The following RAD54L variants were observed in gnomAD, a reference collection of about 807,000 sequenced individuals.
The protein encoded by RAD54L is DNA repair and recombination protein RAD54-like.
RAD54L carries 74 observed loss-of-function variants against 91.6 expected under a neutral mutation model. The observed-to-expected ratio is 0.81, with a 90% confidence interval of 0.67 to 0.98. The LOEUF is 0.98. RAD54L is among the 50% of genes least tolerant of loss of function. RAD54L has a pLI of 0.00. For missense variants in RAD54L, 887 were observed against 945.7 expected (o/e 0.94, Z 0.81); for synonymous variants, 304 against 349.7 (o/e 0.87, Z 1.46).
Position 46,248,255 on chromosome 1 carries a change from C to G in RAD54L, c.-151C>G. 1.0e-6 allele frequency: 1 copy of G among 1,003,312 alleles called. No homozygotes were observed. The highest frequency in any genetic ancestry group is 1.5e-6 in the Non-Finnish European group (1 of 647,876). The allele number at this position is 1,003,312 out of a possible 1,614,324, so 62.2% of individuals were successfully genotyped here. ...AAACACCAGTTCCTGGATGGATTCC[C>G]GCCATCCATGCCCCCTCTTTAATTA... On this transcript the variant is annotated 5_prime_UTR_variant, in exon 1 of 18. Coordinates refer to ENST00000371975, the MANE Select transcript of RAD54L (RefSeq NM_003579.4).
intron 9 of RAD54L, among the ~76,000 whole-genome samples, chr1:46,270,352 C>A (rs1215705895): frequency 5.9e-5 from 9 of 151,762 alleles, no homozygotes; most frequent in African/African-American, 2.2e-4. Context: ...CAGAGCAAGA[C>A]TCCATTGCAG....
chr1:46,249,944 A>G, intron 2 of RAD54L, 56 bp from the exon 3 acceptor site: 2 of 1,594,294 alleles, frequency 1.3e-6, no homozygotes, highest in Non-Finnish European at 1.7e-6. Context: ...GTTAGTTGCC[A>G]TTATGGTGAT....
chr1:46,273,592 A>G (rs369935298), intron 13 of RAD54L, 32 bp from the exon 14 acceptor site: 30 of 1,612,826 alleles, frequency 1.9e-5, no homozygotes, highest in Non-Finnish European at 2.1e-5. Flanking sequence ...TGGGACAGCC[A>G]GTAGGGGACT....
At chr1:46,260,700 AG>A in intron 6 of RAD54L, 26 bp from the exon 7 acceptor site, 1 of 1,614,204 alleles carries the variant, frequency 6.2e-7, no homozygotes, top group East Asian at 2.2e-5. Context: ...TAGGTGCCAA[AG>A]TGGACTGAAG....
rs1162693010 is a variant in RAD54L at position 46,272,025 on chromosome 1, C to CTTTTTTTTTTTTTTTTTTTTTTTTTTT, written c.1170-433_1170-407dup. Among the ~76,000 whole-genome samples the CTTTTTTTTTTTTTTTTTTTTTTTTTTT allele has an allele frequency of 1.7e-4, 7 of 41,170 alleles. 2 individuals are homozygous for CTTTTTTTTTTTTTTTTTTTTTTTTTTT. The highest frequency in any genetic ancestry group is 4.0e-4 in the African/African-American group (3 of 7,538). 27.0% of individuals were successfully genotyped at this position (41,170 alleles called of 152,430 possible). A position where few individuals can be genotyped will look rare whatever the true frequency, so the allele number is the denominator to read the frequency against. On this transcript the variant is annotated intron_variant, in intron 10 of 17. Transcript: ENST00000371975. ...GATGTGTTTGACATAGGTCTGATGA[C>CTTTTTTTTTTTTTTTTTTTTTTTTTTT]TTTTTTTTTTTTTTTTTTTTTTTTT...
At chr1:46,275,674 T>C (rs1254359938) in intron 16 of RAD54L, among the ~76,000 whole-genome samples, 1 of 152,182 alleles carries the variant, frequency 6.6e-6, no homozygotes, top group African/African-American at 2.4e-5. Flanking sequence ...CATCTACCAT[T>C]TCTCTCAAAT....
chr1:46,265,667 A>G lies in RAD54L; in HGVS notation c.892-1792A>G, dbSNP rs1483067774. On this transcript the variant is annotated intron_variant, in intron 8 of 17. Transcript: ENST00000371975. This position sits in a 1 kb window ranked among gnomAD's most constrained non-coding sequence, Gnocchi z 4.8. ...GCTTTGTCCTATACACTGAAATTAT[A>G]CAGGCGAATCTGACATAGTCTCTGC... 2.0e-5 allele frequency among the ~76,000 whole-genome samples: 3 copies of G among 152,242 alleles called. No individual in the cohort carries two copies. The highest frequency in any genetic ancestry group is 4.4e-5 in the Non-Finnish European group (3 of 68,042).
chr1:46,276,061 C>T (rs1187205737), intron 16 of RAD54L, among the ~76,000 whole-genome samples: 1 of 152,108 alleles, frequency 6.6e-6, no homozygotes, highest in African/African-American at 2.4e-5. Flanking sequence ...AATTTTAGCC[C>T]AGATCTCTTA....
At chr1:46,250,849 C>T (rs755608663) in intron 3 of RAD54L, among the ~76,000 whole-genome samples, 6 of 150,044 alleles carry the variant, frequency 4.0e-5, no homozygotes, top group South Asian at 4.2e-4. Flanking sequence ...GTGTCATACC[C>T]CTGTAGTCCC....
chr1:46,261,144 A>T (rs1183510808), intron 7 of RAD54L, 117 bp from the exon 8 acceptor site: 22 of 1,545,550 alleles, frequency 1.4e-5, no homozygotes, highest in Non-Finnish European at 1.9e-5. Context: ...CATTGAAAAT[A>T]GTTGAAGTGG....
At chr1:46,260,222 T>C (rs1660070982) in intron 5 of RAD54L, 123 bp downstream of exon 5, 2 of 1,467,324 alleles carry the variant, frequency 1.4e-6, no homozygotes, top group African/African-American at 1.4e-5. Flanking sequence ...AGAGAGTAGA[T>C]GATTGGGGAA....
In RAD54L at chr1:46,261,374, A is replaced by G. The variant is rs1237606554; in HGVS notation, c.880A>G (p.Ile294Val). Residue 294 changes from isoleucine (I) to valine (V), a missense_variant, in exon 8 of 18, where the codon ATA becomes GTA. Physicochemically the swap from Ile to Val is conservative, Grantham distance 29. Transcript: ENST00000371975. ...VLQKGSVGLV[I>V]CDEGHRLKNS... is the part of the protein sequence containing the mutation. Reference sequence around the variant, plus strand: ...CCAGAAAGGAAGTGTTGGTCTGGTCATATGTGACGAGGTACTTGACTCTCA... The same window carrying G: ...CCAGAAAGGAAGTGTTGGTCTGGTCGTATGTGACGAGGTACTTGACTCTCA... 1.9e-6 allele frequency: 3 copies of G among 1,614,058 alleles called. No individual in the cohort carries two copies. The highest frequency in any genetic ancestry group is 2.5e-6 in the Non-Finnish European group (3 of 1,179,984).
At chr1:46,269,605 C>T (rs1415352946) in intron 9 of RAD54L, among the ~76,000 whole-genome samples, 1 of 152,054 alleles carries the variant, frequency 6.6e-6, no homozygotes. Context: ...TATTCTTGGC[C>T]CTTTGCATTC....
intron 16 of RAD54L, among the ~76,000 whole-genome samples, chr1:46,275,816 A>T (rs1374650208): frequency 6.6e-6 from 1 of 152,030 alleles, no homozygotes; most frequent in Non-Finnish European, 1.5e-5. Context: ...CGTGTATCTC[A>T]CACTGTTGAC....
intron 9 of RAD54L, 73 bp downstream of exon 9, chr1:46,267,682 G>A (rs1389326457): frequency 1.3e-6 from 2 of 1,521,350 alleles, no homozygotes; most frequent in East Asian, 2.3e-5. Flanking sequence ...CTCCAGCTGA[G>A]GAGAGAAAGA....
chr1:46,261,443 G>T, intron 8 of RAD54L, 58 bp downstream of exon 8: 1 of 1,601,482 alleles, frequency 6.2e-7, no homozygotes, highest in Non-Finnish European at 8.5e-7. Flanking sequence ...TCTCTTCACT[G>T]AGTATTGCCT....
Position 46,278,228 on chromosome 1 carries a change from C to T in RAD54L, c.2190C>T (p.Ala730=), listed in dbSNP as rs1048771. ...LQAAWDAAST[A]ITFVFHQRSH... ...CTGCCTGGGATGCTGCCTCCACTGCCATCACCTTCGTCTTCCACCAGCGTT... is the reference window on the plus strand; with the variant it reads ...CTGCCTGGGATGCTGCCTCCACTGCTATCACCTTCGTCTTCCACCAGCGTT... The change falls in exon 18 of 18, where the codon GCC becomes GCT. Residue 730 remains alanine, a synonymous_variant. Coordinates refer to ENST00000371975, the MANE Select transcript of RAD54L (RefSeq NM_003579.4). 0.13 allele frequency: 209,902 copies of T among 1,613,356 alleles called. 17,922 individuals are homozygous for T. The highest frequency in any genetic ancestry group is 0.37 in the South Asian group (33,201 of 90,948).
rs774998043 is a variant in RAD54L at position 46,261,373 on chromosome 1, CAT to C, written c.882_883del (p.Ile294MetfsTer2). On this transcript the variant is annotated frameshift_variant, in exon 8 of 18. Coordinates refer to ENST00000371975, the MANE Select transcript of RAD54L (RefSeq NM_003579.4). LOFTEE classifies it high-confidence loss of function. ...VLQKGSVGLV[I>X]CDEGHRLKNS... ...TCCAGAAAGGAAGTGTTGGTCTGGT[CAT>C]ATGTGACGAGGTACTTGACTCTCAG... 3.1e-6 allele frequency: 5 copies of C among 1,613,882 alleles called. No individual in the cohort carries two copies. The highest frequency in any genetic ancestry group is 4.2e-6 in the Non-Finnish European group (5 of 1,179,968).
Position 46,261,305 on chromosome 1 carries a change from CTCA to C in RAD54L, c.816_818del (p.Ile273del), listed in dbSNP as rs1660116679. On this transcript the variant is annotated inframe_deletion, in exon 8 of 18. Coordinates refer to ENST00000371975, the MANE Select transcript of RAD54L (RefSeq NM_003579.4). ...TGGAGCCAGGGTGTCTTCTCCCATC[CTCA>C]TCATTTCCTATGAGACCTTCCGCCT... 2 of 1,613,726 alleles carry C rather than the reference CTCA, an allele frequency of 1.2e-6. No individual in the cohort carries two copies. The highest frequency in any genetic ancestry group is 1.1e-5 in the South Asian group (1 of 91,056).
Sources: allele counts gnomAD v4.1 joint callset (sites outside exome capture counted in the v4.1 genomes callset), GRCh38; gene constraint gnomAD v4.1.1; non-coding constraint Gnocchi (gnomAD v3.1); transcripts MANE v1.5; gene names NCBI Gene and HGNC (gene_info 2026-07-23, HGNC 2026-07-21).